The following TUBB3 variants were observed in gnomAD, a reference collection of about 807,000 sequenced individuals.
The protein encoded by TUBB3 is tubulin beta 3 class III, also known as tubulin beta-3 chain.
A neutral mutation model predicts 37.8 loss-of-function variants in TUBB3; 17 were observed. That is an observed-to-expected ratio of 0.45 (90% CI 0.31 to 0.67). The LOEUF (loss-of-function observed/expected upper bound fraction) is 0.67, where lower values mean the gene tolerates loss of function less well. Among genes scored for constraint, TUBB3 ranks in the 30% least tolerant of loss-of-function variants. The pLI is 0.07. For synonymous variants in TUBB3, 332 were observed against 278.9 expected, an observed-to-expected ratio of 1.19 and a Z score of -1.90; for missense variants, 262 against 657.9, an observed-to-expected ratio of 0.40 and a Z score of 6.58.
intron 1 of TUBB3, among the ~76,000 whole-genome samples, chr16:89,928,982 G>T (rs1390663029): frequency 2.7e-5 from 3 of 112,342 alleles, no homozygotes; most frequent in Non-Finnish European, 5.6e-5. Flanking sequence ...TTTTTTTTAA[G>T]ATAGGGTTTC....
In TUBB3 at chr16:89,935,862, C is replaced by G. The variant is rs891327402; in HGVS notation, c.*58C>G. The G allele has an allele frequency of 3.2e-6, 5 of 1,557,968 alleles. No individual in the cohort carries two copies. In the African/African-American group the frequency reaches 6.8e-5, roughly 21 times the overall value. On this transcript the variant is annotated 3_prime_UTR_variant, in exon 4 of 4. Coordinates refer to ENST00000315491, the MANE Select transcript of TUBB3 (RefSeq NM_006086.4). Reference sequence around the variant, plus strand: ...CGGCCGGGGCCGAAGCCAGCAGTGTCTAAACCCCCGGAGCCATCTTGCTGC... The same window carrying G: ...CGGCCGGGGCCGAAGCCAGCAGTGTGTAAACCCCCGGAGCCATCTTGCTGC...
intron 1 of TUBB3, among the ~76,000 whole-genome samples, chr16:89,926,862 C>CAT (rs1447293397): frequency 1.1e-4 from 16 of 152,154 alleles, no homozygotes; most frequent in Admixed American, 3.9e-4. Context: ...GGATTACAGG[C>CAT]GCCCGCCACC....
At chr16:89,934,554 C>A in intron 3 of TUBB3, 175 bp from the exon 4 acceptor site, 1 of 681,740 alleles carries the variant, frequency 1.5e-6, no homozygotes, top group Admixed American at 2.3e-5. Flanking sequence ...TCAGCAGCAT[C>A]GGCTCAGGGA....
intron 1 of TUBB3, among the ~76,000 whole-genome samples, chr16:89,929,796 A>G (rs984019544): frequency 1.3e-5 from 2 of 151,742 alleles, no homozygotes; most frequent in African/African-American, 4.8e-5. Flanking sequence ...CCACCTCCCG[A>G]GTTCGTGTGA....
intron 3 of TUBB3, 133 bp downstream of exon 3, chr16:89,933,711 C>T (rs773737077): frequency 1.3e-6 from 1 of 792,592 alleles, no homozygotes; most frequent in African/African-American, 1.7e-5. Flanking sequence ...GAACTCATCT[C>T]TCCATTTTAC....
In TUBB3 at chr16:89,935,795, C is replaced by T. The variant is rs761732621; in HGVS notation, c.1344C>T (p.Gly448=). The change falls in exon 4 of 4, where the codon GGC becomes GGT. Residue 448 remains glycine (G), a synonymous_variant. Coordinates refer to ENST00000315491, the MANE Select transcript of TUBB3 (RefSeq NM_006086.4). The part of the protein sequence containing the change: ...EDDEEESEAQ[G]PK ...ACGAGGAGGAGTCGGAGGCCCAGGG[C>T]CCCAAGTGAAGCTGCTCGCAGCTGG... 3.1e-6 allele frequency: 5 copies of T among 1,612,874 alleles called. No individual in the cohort carries two copies. The African/African-American group carries it at 5.3e-5, about 17-fold the overall frequency.
upstream of TUBB3, chr16:89,922,747 A>G (rs1269235430): frequency 6.6e-6 from 1 of 151,682 alleles, no homozygotes; most frequent in Non-Finnish European, 1.5e-5. Flanking sequence ...GAAGCCGGCG[A>G]CCCACGGAGC....
intron 1 of TUBB3, among the ~76,000 whole-genome samples, chr16:89,927,886 G>C (rs1949161190): frequency 6.6e-6 from 1 of 152,190 alleles, no homozygotes; most frequent in Non-Finnish European, 1.5e-5. Flanking sequence ...CTTTACAGGG[G>C]CTGGTGGTTG....
chr16:89,934,462 A>T, intron 3 of TUBB3: 1 of 618,402 alleles, frequency 1.6e-6, no homozygotes, highest in Non-Finnish European at 3.0e-6. Flanking sequence ...CCATTCACCC[A>T]GGATCCCCTC....
Position 89,935,857 on chromosome 16 carries a change from A to G in TUBB3, c.*53A>G, listed in dbSNP as rs2030439900. ...GGTGGCGGCCGGGGCCGAAGCCAGC[A>G]GTGTCTAAACCCCCGGAGCCATCTT... On this transcript the variant is annotated 3_prime_UTR_variant, in exon 4 of 4. Coordinates refer to ENST00000315491, the MANE Select transcript of TUBB3 (RefSeq NM_006086.4). The G allele has an allele frequency of 6.4e-7, 1 of 1,572,336 alleles. No homozygotes were observed. The highest frequency in any genetic ancestry group is 8.6e-7 in the Non-Finnish European group (1 of 1,158,728).
At chr16:89,932,355 G>A (rs2030307353) in intron 1 of TUBB3, among the ~76,000 whole-genome samples, 1 of 152,238 alleles carries the variant, frequency 6.6e-6, no homozygotes, top group African/African-American at 2.4e-5. Context: ...CCCTGGGGCT[G>A]TGGTCGGCCT....
Position 89,924,411 on chromosome 16 carries a change from G to A in TUBB3, c.57+953G>A, listed in dbSNP as rs550643038. On this transcript the variant is annotated intron_variant, in intron 1 of 3. Coordinates refer to ENST00000315491, the MANE Select transcript of TUBB3 (RefSeq NM_006086.4). ...CTGGGGCTCGGGCGGGGCGGGTTGG[G>A]GGCGCTGCTTGCCAAAGGATCTGCC... is the stretch of plus-strand genomic sequence containing the variant. Among the ~76,000 whole-genome samples the A allele has an allele frequency of 1.3e-3, 199 of 152,240 alleles. 2 individuals are homozygous for A. Among genetic ancestry groups the A allele is most frequent in the African/African-American group, 4.6e-3 (192 of 41,558 alleles).
intron 1 of TUBB3, among the ~76,000 whole-genome samples, chr16:89,923,684 C>T (rs986559403): frequency 1.3e-5 from 2 of 152,212 alleles, no homozygotes; most frequent in African/African-American, 4.8e-5. Context: ...GCGCAGCTCA[C>T]GTCAGTCGCG....
chr16:89,932,095 G>A (rs1032388951), intron 1 of TUBB3: 1 of 296,248 alleles, frequency 3.4e-6, no homozygotes, highest in African/African-American at 2.2e-5. Flanking sequence ...TCCCATGGAG[G>A]GGCAGGTGTA....
chr16:89,926,341 C>G (rs2144404080), intron 1 of TUBB3, among the ~76,000 whole-genome samples: 1 of 152,286 alleles, frequency 6.6e-6, no homozygotes, highest in South Asian at 2.1e-4. Context: ...GCCTGAAAGA[C>G]CTGCGGAGCC....
At chr16:89,926,794 T>G (rs1597419921) in intron 1 of TUBB3, among the ~76,000 whole-genome samples, 1 of 152,002 alleles carries the variant, frequency 6.6e-6, no homozygotes, top group Non-Finnish European at 1.5e-5. Context: ...CTCGGCTCAT[T>G]GCAACCTCCA....
Position 89,935,532 on chromosome 16 carries a change from C to A in TUBB3, c.1081C>A (p.Leu361Ile), listed in dbSNP as rs1064794940. ...CGTGTGTGACATCCCGCCCCGCGGC[C>A]TCAAGATGTCCTCCACCTTCATCGG... ...VAVCDIPPRG[L>I]KMSSTFIGNS... Residue 361 changes from leucine (L) to isoleucine (I), a missense_variant, in exon 4 of 4, where the codon CTC becomes ATC. By Grantham distance (5) the Leu-to-Ile change is conservative. Coordinates refer to ENST00000315491, the MANE Select transcript of TUBB3 (RefSeq NM_006086.4). The A allele has an allele frequency of 6.2e-7, 1 of 1,614,194 alleles. No individual in the cohort carries two copies. The highest frequency in any genetic ancestry group is 8.5e-7 in the Non-Finnish European group (1 of 1,180,052).
At position 89,934,810 on chromosome 16, in the gene TUBB3, T is replaced by C. The variant is rs1162346170; in HGVS notation, c.359T>C (p.Val120Ala). 3 of 1,614,062 alleles carry C rather than the reference T, an allele frequency of 1.9e-6. No homozygotes were observed. Among genetic ancestry groups the C allele is most frequent in the Non-Finnish European group, 2.5e-6 (3 of 1,179,988 alleles). ...CTGGTGGATTCGGTCCTGGATGTGG[T>C]GCGGAAGGAGTGTGAAAACTGCGAC... ...AELVDSVLDVVRKECENCDCL... is the reference protein window; with the variant it reads ...AELVDSVLDVARKECENCDCL... Residue 120 changes from valine (V) to alanine (A), a missense_variant, in exon 4 of 4, where the codon GTG becomes GCG. This residue lies in a region of TUBB3 where 165 missense variants were observed against 556.8 expected (regional missense o/e 0.30). Transcript: ENST00000315491.
rs376742805 is a variant in TUBB3 at position 89,935,021 on chromosome 16, C to T, written c.570C>T (p.His190=). 2.5e-6 allele frequency: 4 copies of T among 1,614,108 alleles called. No homozygotes were observed. In the African/African-American group the frequency reaches 5.3e-5, roughly 22 times the overall value. The change falls in exon 4 of 4, where the codon CAC becomes CAT. Residue 190 remains histidine, a synonymous_variant. Transcript: ENST00000315491. ...VEPYNATLSI[H]QLVENTDETY... is the part of the protein sequence containing the mutation. ...CCTACAACGCCACGCTGTCCATCCA[C>T]CAGCTGGTGGAGAACACGGATGAGA... is the stretch of plus-strand genomic sequence containing the variant.
Sources: gnomAD v4.1 joint callset for allele counts (sites outside exome capture counted in the v4.1 genomes callset) on GRCh38, gnomAD v4.1.1 for gene constraint, gnomAD v4.1.1 regional missense constraint, MANE v1.5 for transcripts, NCBI Gene and HGNC (gene_info 2026-07-23, HGNC 2026-07-21) for gene names.